Variants in SUMF1 observed in about 807,000 individuals in gnomAD.
SUMF1 encodes the protein formylglycine-generating enzyme.
A neutral mutation model predicts 47.6 loss-of-function variants in SUMF1; 48 were observed. The ratio of observed to expected loss-of-function variants is 1.01; its 90% confidence interval spans 0.80 to 1.28. SUMF1 has a LOEUF of 1.28. Ranked by LOEUF, SUMF1 falls within the 50% of genes most tolerant of loss-of-function variation. The probability of loss-of-function intolerance (pLI) is 0.00; values close to 1 mark genes in which losing one functional copy is unlikely to be tolerated. For synonymous variants in SUMF1, 230 were observed against 192.1 expected (o/e 1.20, Z -1.63); for missense variants, 571 against 485.4 (o/e 1.18, Z -1.66).
intron 8 of SUMF1, among the ~76,000 whole-genome samples, chr3:4,131,156 C>T (rs141785736): frequency 6.6e-6 from 1 of 152,174 alleles, no homozygotes; most frequent in East Asian, 1.9e-4. Flanking sequence ...CTATCATGAA[C>T]TGGGTGTTTT....
At chr3:4,292,649 G>A (rs1056573930) in intron 8 of SUMF1, among the ~76,000 whole-genome samples, 3 of 152,166 alleles carry the variant, frequency 2.0e-5, no homozygotes, top group Non-Finnish European at 4.4e-5. Flanking sequence ...GCTGGATTAA[G>A]TGCCAGAGCA....
chr3:4,306,961 G>A (rs1225127340), intron 8 of SUMF1, among the ~76,000 whole-genome samples: 1 of 152,170 alleles, frequency 6.6e-6, no homozygotes, highest in Non-Finnish European at 1.5e-5. Flanking sequence ...CCATTTTTCA[G>A]GTCTCTGAAA....
Position 4,250,279 on chromosome 3 carries a change from G to T in SUMF1, c.1014+126051C>A, listed in dbSNP as rs564456399. ...GGAAAAGGGAAAGAGGGGGAAAGGG[G>T]GAAGGAAGGGAAGAGGGAAGGAGGG... On this transcript the variant is annotated intron_variant and NMD_transcript_variant, in intron 8 of 12. Transcript: ENST00000448413. 1.1e-3 allele frequency among the ~76,000 whole-genome samples: 160 copies of T among 148,538 alleles called. 1 individual carries two copies. Among genetic ancestry groups the T allele is most frequent in the African/African-American group, 3.8e-3 (152 of 40,390 alleles).
intron 8 of SUMF1, among the ~76,000 whole-genome samples, chr3:4,157,821 T>TAC (rs1320117981): frequency 2.0e-5 from 3 of 151,602 alleles, no homozygotes; most frequent in Non-Finnish European, 4.4e-5. Context: ...TAGAAGTGAC[T>TAC]ACTTCTACCC....
rs186697667 is a variant in SUMF1, at chr3:4,144,480, T to C, written c.1015-75735A>G. On this transcript the variant is annotated intron_variant and NMD_transcript_variant, in intron 8 of 12. Coordinates refer to the SUMF1 transcript ENST00000448413. The stretch of plus-strand genomic sequence containing the variant: ...AGCAAGTTAGAGAAGATTCTGGATC[T>C]AGGAGAAGACAAAAATGAAAAACAA... Among the ~76,000 whole-genome samples, 35 of 152,236 alleles carry C rather than the reference T, an allele frequency of 2.3e-4. 1 individual carries two copies. The highest frequency in any genetic ancestry group is 1.2e-3 in the Admixed American group (19 of 15,278).
chr3:4,107,007 T>C (rs1693174498), intron 8 of SUMF1, among the ~76,000 whole-genome samples: 1 of 152,108 alleles, frequency 6.6e-6, no homozygotes, highest in Non-Finnish European at 1.5e-5. Flanking sequence ...AGGCTGTACC[T>C]AGAGGGCTTT....
At chr3:4,252,265 A>G (rs1324684796) in intron 8 of SUMF1, among the ~76,000 whole-genome samples, 1 of 152,118 alleles carries the variant, frequency 6.6e-6, no homozygotes, top group African/African-American at 2.4e-5. Flanking sequence ...TGTCATTTCT[A>G]GGACAACCAA....
intron 8 of SUMF1, among the ~76,000 whole-genome samples, chr3:4,088,982 T>C (rs1692728649): frequency 6.6e-6 from 1 of 152,138 alleles, no homozygotes; most frequent in African/African-American, 2.4e-5. Context: ...AGTCATGGAC[T>C]ATCCTCTCAA....
chr3:4,350,744 G>A (rs554087400), intron 8 of SUMF1, among the ~76,000 whole-genome samples: 1 of 152,096 alleles, frequency 6.6e-6, no homozygotes, highest in South Asian at 2.1e-4. Flanking sequence ...ACCTCTGCAG[G>A]TCACATTCTC....
intron 3 of SUMF1, among the ~76,000 whole-genome samples, chr3:4,447,677 A>G (rs1702827078): frequency 6.6e-6 from 1 of 152,160 alleles, no homozygotes; most frequent in African/African-American, 2.4e-5. Flanking sequence ...TGACACATTT[A>G]TGTTACTTGT....
intron 8 of SUMF1, among the ~76,000 whole-genome samples, chr3:4,243,687 G>C (rs1696596650): frequency 6.6e-6 from 1 of 152,170 alleles, no homozygotes; most frequent in Non-Finnish European, 1.5e-5. Flanking sequence ...TTCCAATTAT[G>C]TGGTCAGTTT....
intron 8 of SUMF1, among the ~76,000 whole-genome samples, chr3:4,245,136 A>T (rs1696632985): frequency 6.6e-6 from 1 of 152,002 alleles, no homozygotes. Flanking sequence ...CTAGCCATTC[A>T]TCTAACCTTT....
intron 1 of SUMF1, among the ~76,000 whole-genome samples, chr3:4,453,419 G>T (rs1703044928): frequency 6.6e-6 from 1 of 151,962 alleles, no homozygotes; most frequent in South Asian, 2.1e-4. Context: ...CCAGGCTGGG[G>T]TGCAGTGGCA....
At chr3:4,430,235 G>A (rs1702191348) in intron 3 of SUMF1, among the ~76,000 whole-genome samples, 1 of 152,154 alleles carries the variant, frequency 6.6e-6, no homozygotes, top group African/African-American at 2.4e-5. Flanking sequence ...ACAGTAGTTA[G>A]GAAAGCACTG....
chr3:4,056,177 T>A (rs1483388918), intron 9 of SUMF1, among the ~76,000 whole-genome samples: 1 of 152,148 alleles, frequency 6.6e-6, no homozygotes, highest in African/African-American at 2.4e-5. Context: ...GTTTCTGGGA[T>A]TGGGATGTAG....
In SUMF1 at chr3:4,231,469, A is replaced by C. The variant is rs1160285; in HGVS notation, c.1014+144861T>G. Among the ~76,000 whole-genome samples, 343 of 152,238 alleles carry C rather than the reference A, an allele frequency of 2.3e-3. 2 individuals carry two copies. Among genetic ancestry groups the C allele is most frequent in the African/African-American group, 7.9e-3 (330 of 41,548 alleles). ...TACTAATACATTATTTCAATCTCTA[A>C]CCTTGTCCCTTGCTGTTACCCAAAC... On this transcript the variant is annotated intron_variant and NMD_transcript_variant, in intron 8 of 12. Coordinates refer to the SUMF1 transcript ENST00000448413.
intron 8 of SUMF1, among the ~76,000 whole-genome samples, chr3:4,195,970 T>C (rs1451904286): frequency 3.3e-5 from 5 of 152,088 alleles, no homozygotes; most frequent in Non-Finnish European, 7.4e-5. Context: ...GGCTGACTGG[T>C]CCCTTTGGAT....
Position 4,316,970 on chromosome 3 carries a change from T to A in SUMF1, c.1014+59360A>T, listed in dbSNP as rs115355111. The A allele has an allele frequency of 1.2e-3, 1,895 of 1,549,450 alleles. 28 individuals are homozygous for A. In the African/African-American group the frequency reaches 0.023, roughly 19 times the overall value. ...TTCTCCACGACAATGCCCGACCGCA[T>A]GTTGCACAACCCACACTTCAAAAGT... On this transcript the variant is annotated intron_variant and NMD_transcript_variant, in intron 8 of 12. Transcript: ENST00000448413.
Position 4,285,006 on chromosome 3 carries a change from C to T in SUMF1, c.1014+91324G>A, listed in dbSNP as rs917729031. ...GTCTCTAATAACCGCTGATCATCTTCGTCTCACAAGTAAGATGAGGCTTTC... is the reference window on the plus strand; with the variant it reads ...GTCTCTAATAACCGCTGATCATCTTTGTCTCACAAGTAAGATGAGGCTTTC... On this transcript the variant is annotated intron_variant and NMD_transcript_variant, in intron 8 of 12. Coordinates refer to the SUMF1 transcript ENST00000448413. Among the ~76,000 whole-genome samples the T allele has an allele frequency of 3.3e-5, 5 of 152,250 alleles. No homozygotes were observed. In the South Asian group the frequency reaches 6.2e-4, roughly 19 times the overall value.
Sources: gnomAD v4.1 joint callset for allele counts (sites outside exome capture counted in the v4.1 genomes callset) on GRCh38, gnomAD v4.1.1 for gene constraint, MANE v1.5 for transcripts, NCBI Gene and HGNC (gene_info 2026-07-23, HGNC 2026-07-21) for gene names.